The following COLEC12 variants were observed in gnomAD, a reference collection of about 807,000 sequenced individuals.
COLEC12 encodes the protein collectin-12.
In COLEC12, 33 loss-of-function variants were observed where a neutral mutation model predicts 71.1. The ratio of observed to expected loss-of-function variants is 0.46; its 90% CI spans 0.35 to 0.62. The LOEUF is 0.62. Ranked by LOEUF, COLEC12 falls within the 20% of genes least tolerant of loss-of-function variation. The pLI is 0.00. For synonymous variants in COLEC12, 350 were observed against 353.0 expected (o/e 0.99, Z 0.10); for missense variants, 765 against 916.1 (o/e 0.84, Z 2.13).
chr18:391,355 A>G (rs1915460074), intron 2 of COLEC12, among the ~76,000 whole-genome samples: 1 of 152,194 alleles, frequency 6.6e-6, no homozygotes, highest in Non-Finnish European at 1.5e-5. Context: ...ACCCTCCACA[A>G]TTTGGGGGTG....
Position 441,547 on chromosome 18 carries a change from C to T in COLEC12, c.58+39160G>A, listed in dbSNP as rs527524483. The stretch of plus-strand genomic sequence containing the variant: ...GGGGCATTCACGGCGATGGATCTGA[C>T]GAGGACGCTGTCCATATGCTTGTAC... On this transcript the variant is annotated intron_variant, in intron 2 of 9. Transcript: ENST00000400256. Among the ~76,000 whole-genome samples, 38 of 152,254 alleles carry T rather than the reference C, an allele frequency of 2.5e-4. No homozygotes were observed. In the Middle Eastern group the frequency reaches 0.014, roughly 55 times the overall value.
At chr18:454,325 G>A (rs1916821795) in intron 2 of COLEC12, among the ~76,000 whole-genome samples, 1 of 152,102 alleles carries the variant, frequency 6.6e-6, no homozygotes, top group South Asian at 2.1e-4. Flanking sequence ...CCCTCACTCT[G>A]TTCTTGTTCC....
chr18:325,911 G>T (rs966552122), intron 8 of COLEC12, among the ~76,000 whole-genome samples: 1 of 151,940 alleles, frequency 6.6e-6, no homozygotes, highest in African/African-American at 2.4e-5. Context: ...CAATCCTCCC[G>T]CCTTCGCCTC....
At chr18:357,626 A>G (rs1260403063) in intron 2 of COLEC12, 104 bp from the exon 3 acceptor site, 6 of 914,824 alleles carry the variant, frequency 6.6e-6, no homozygotes, top group Non-Finnish European at 9.8e-6. Context: ...TAATTTTTAC[A>G]AATGCCTTAC....
intron 5 of COLEC12, among the ~76,000 whole-genome samples, chr18:341,993 G>A (rs968683682): frequency 6.6e-6 from 1 of 152,192 alleles, no homozygotes; most frequent in Admixed American, 6.5e-5. Context: ...TGTGTGAGAA[G>A]TCTTCTGTGT....
chr18:344,083 C>G (rs1225898099), intron 5 of COLEC12, among the ~76,000 whole-genome samples: 1 of 152,138 alleles, frequency 6.6e-6, no homozygotes, highest in Non-Finnish European at 1.5e-5. Flanking sequence ...AAATTAATAA[C>G]TAGAAAATAT....
At chr18:332,104 T>C (rs977078127) in intron 7 of COLEC12, among the ~76,000 whole-genome samples, 4 of 152,232 alleles carry the variant, frequency 2.6e-5, no homozygotes, top group Non-Finnish European at 5.9e-5. Flanking sequence ...ATCATAGGAA[T>C]AGTCATGATA....
chr18:331,680 G>C lies in COLEC12; in HGVS notation c.2051C>G (p.Ser684Cys). The C allele has an allele frequency of 6.2e-7, 1 of 1,607,378 alleles. No homozygotes were observed. The highest frequency in any genetic ancestry group is 8.5e-7 in the Non-Finnish European group (1 of 1,173,856). ...ENEWKWLDGTSPDYKNWKAGQ... is the reference protein window; with the variant it reads ...ENEWKWLDGTCPDYKNWKAGQ... ...TCTGAGTACTTACTTGTAGTCTGGA[G>C]ATGTCCCATCCAGCCACTTCCATTC... Residue 684 changes from serine to cysteine, a missense_variant, in exon 8 of 10, where the codon TCT becomes TGT. Ser to Cys is a moderately radical substitution (Grantham distance 112). Transcript: ENST00000400256.
intron 2 of COLEC12, among the ~76,000 whole-genome samples, chr18:448,827 C>T (rs1365359827): frequency 1.3e-5 from 2 of 152,132 alleles, no homozygotes; most frequent in Non-Finnish European, 2.9e-5. Flanking sequence ...TTTAAATTTA[C>T]TATACTGTAC....
intron 2 of COLEC12, among the ~76,000 whole-genome samples, chr18:443,040 T>C (rs1916575898): frequency 6.6e-6 from 1 of 152,254 alleles, no homozygotes; most frequent in Non-Finnish European, 1.5e-5. Flanking sequence ...GCAGGAGTCA[T>C]CTCTTTTCAC....
intron 2 of COLEC12, among the ~76,000 whole-genome samples, chr18:475,647 C>T (rs1034353602): frequency 5.9e-5 from 9 of 152,194 alleles, no homozygotes; most frequent in African/African-American, 1.9e-4. Flanking sequence ...AGCAGACACT[C>T]GCCATGTGCC....
chr18:403,775 C>A (rs1156823697), intron 2 of COLEC12, among the ~76,000 whole-genome samples: 1 of 151,936 alleles, frequency 6.6e-6, no homozygotes, highest in Non-Finnish European at 1.5e-5. Context: ...AAAATGTCTA[C>A]AATATCTCCA....
chr18:466,524 A>T (rs575863040), intron 2 of COLEC12, among the ~76,000 whole-genome samples: 3 of 152,258 alleles, frequency 2.0e-5, no homozygotes, highest in Non-Finnish European at 4.4e-5. Context: ...ATCTAACTAT[A>T]GAAAATGTTT....
At chr18:363,059 G>A (rs935009180) in intron 2 of COLEC12, among the ~76,000 whole-genome samples, 9 of 152,108 alleles carry the variant, frequency 5.9e-5, no homozygotes, top group Non-Finnish European at 1.2e-4. Flanking sequence ...CTGCTGATCA[G>A]TGAGCCGTTT....
chr18:341,340 G>T (rs985547582), intron 5 of COLEC12, among the ~76,000 whole-genome samples: 1 of 152,230 alleles, frequency 6.6e-6, no homozygotes, highest in Non-Finnish European at 1.5e-5. Context: ...AATGGGGAAT[G>T]TCAATAACTC....
At chr18:389,332 C>A (rs1317393127) in intron 2 of COLEC12, among the ~76,000 whole-genome samples, 1 of 150,394 alleles carries the variant, frequency 6.6e-6, no homozygotes, top group African/African-American at 2.5e-5. Flanking sequence ...AGGTTCACTG[C>A]AAGCTCTGCG....
rs1917401424 is a variant in COLEC12 at position 480,844 on chromosome 18, C to T, written c.8-87G>A. 1.8e-6 allele frequency: 2 copies of T among 1,133,314 alleles called. No individual in the cohort carries two copies. The highest frequency in any genetic ancestry group is 1.2e-5 in the South Asian group (1 of 81,162). 70.2% of individuals were successfully genotyped at this position (1,133,314 alleles called of 1,614,324 possible). ...GCAGGATGCGACCTGCTTCATCGCCCCTGCTTGTCACAGCAGCTTTCCTTC... is the reference window on the plus strand; with the variant it reads ...GCAGGATGCGACCTGCTTCATCGCCTCTGCTTGTCACAGCAGCTTTCCTTC... On this transcript the variant is annotated intron_variant, in intron 1 of 9. Transcript: ENST00000400256. This position sits in a 1 kb window ranked among gnomAD's most constrained non-coding sequence, Gnocchi z 4.1.
intron 3 of COLEC12, among the ~76,000 whole-genome samples, chr18:354,703 A>G (rs1273536225): frequency 6.6e-6 from 1 of 152,130 alleles, no homozygotes; most frequent in African/African-American, 2.4e-5. Context: ...AAATATCAAC[A>G]TTTTAGTTCA....
At chr18:448,928 A>G (rs1207126207) in intron 2 of COLEC12, among the ~76,000 whole-genome samples, 1 of 152,194 alleles carries the variant, frequency 6.6e-6, no homozygotes, top group Non-Finnish European at 1.5e-5. Context: ...TACATTTGGT[A>G]TACTCACAAA....
Sources: allele counts gnomAD v4.1 joint callset (sites outside exome capture counted in the v4.1 genomes callset), GRCh38; gene constraint gnomAD v4.1.1; non-coding constraint Gnocchi (gnomAD v3.1); transcripts MANE v1.5; gene names NCBI Gene and HGNC (gene_info 2026-07-23, HGNC 2026-07-21).